ANKMY1: variants seen among roughly 807,000 people sequenced by gnomAD.
ANKMY1 encodes the protein ankyrin repeat and MYND domain containing 1.
ANKMY1 carries 98 observed loss-of-function variants against 102.0 expected under a neutral mutation model. The ratio of observed to expected loss-of-function variants is 0.96; its 90% CI spans 0.82 to 1.14. The LOEUF (loss-of-function observed/expected upper bound fraction) is 1.14. Among genes scored for constraint, ANKMY1 ranks in the 50% most tolerant of loss-of-function variants. ANKMY1 has a pLI of 0.00. For synonymous variants in ANKMY1, 582 were observed against 559.9 expected, an observed-to-expected ratio of 1.04 and a Z score of -0.56; for missense variants, 1,330 against 1,347.6, an observed-to-expected ratio of 0.99 and a Z score of 0.20.
chr2:240,472,641 C>G, the ANKMY1 span, among the ~76,000 whole-genome samples: 3 of 152,170 alleles, frequency 2.0e-5, no homozygotes, highest in African/African-American at 7.2e-5. Flanking sequence ...CCTGAATAGA[C>G]TCACCAACCA....
intron 4 of ANKMY1, among the ~76,000 whole-genome samples, chr2:240,540,018 G>T (rs972513583): frequency 6.6e-6 from 1 of 152,210 alleles, no homozygotes; most frequent in Non-Finnish European, 1.5e-5. Context: ...GTTATAAACA[G>T]GACCTAAAGC....
Position 240,528,888 on chromosome 2 carries a change from G to A in ANKMY1, c.953+149C>T, listed in dbSNP as rs181316383. The A allele has an allele frequency of 1.9e-3, 1,405 of 746,284 alleles. 25 individuals are homozygous for A. The Admixed American group carries it at 0.033, about 18-fold the overall frequency. The allele number at this position is 746,284 out of a possible 1,614,324, so 46.2% of individuals were successfully genotyped here. On this transcript the variant is annotated intron_variant, in intron 5 of 17. Transcript: ENST00000401804. ...AGGGGCTTTCCCTCCCTTCATTATCGCCCACATCAGTCACTTAATGGGAGG... is the reference window on the plus strand; with the variant it reads ...AGGGGCTTTCCCTCCCTTCATTATCACCCACATCAGTCACTTAATGGGAGG...
At chr2:240,526,028 C>A in intron 6 of ANKMY1, 179 bp from the exon 7 acceptor site, 1 of 984,848 alleles carries the variant, frequency 1.0e-6, no homozygotes, top group Non-Finnish European at 1.5e-6. Flanking sequence ...GCACTCTGCC[C>A]CAAACCCTTC....
At position 240,482,221 on chromosome 2, in the gene ANKMY1, G is replaced by A; in HGVS notation, c.2847C>T (p.Pro949=). ...TCACATCCAGGCCCCTGGGCAGGCT[G>A]GGGCCCTTCTTCTTCATCCTGTGGC... ...IPSHRMKKKG[P]SLPRGLDVKE... is the part of the protein sequence containing the mutation. The change falls in exon 16 of 18, where the codon CCC becomes CCT. Residue 949 remains proline, a synonymous_variant. Coordinates refer to ENST00000401804, the MANE Select transcript of ANKMY1 (RefSeq NM_001282771.3). 1.9e-6 allele frequency: 3 copies of A among 1,612,860 alleles called. No homozygotes were observed. The highest frequency in any genetic ancestry group is 2.5e-6 in the Non-Finnish European group (3 of 1,179,446).
intron 17 of ANKMY1, 83 bp from the exon 18 acceptor site, chr2:240,479,738 G>A (rs932348233): frequency 5.5e-6 from 7 of 1,272,038 alleles, no homozygotes; most frequent in Non-Finnish European, 7.9e-6. Context: ...AACTCGGGCT[G>A]TGTGGGGCGG....
chr2:240,499,630 C>T lies in ANKMY1; in HGVS notation c.2806+328G>A, dbSNP rs925492895. Among the ~76,000 whole-genome samples the T allele has an allele frequency of 2.6e-5, 4 of 151,998 alleles. No homozygotes were observed. The highest frequency in any genetic ancestry group is 2.6e-4 in the Admixed American group (4 of 15,270). On this transcript the variant is annotated intron_variant, in intron 15 of 17. Transcript: ENST00000401804. The surrounding 1 kb of genome is among the most constrained non-coding windows in gnomAD (Gnocchi z 4.2). ...ACCCCAGGCCTCGGGCCCACAGTCC[C>T]TGTGCCGGATAGACTGGCACTCCTG...
At chr2:240,519,148 T>C (rs1312483068) in intron 9 of ANKMY1, among the ~76,000 whole-genome samples, 2 of 152,256 alleles carry the variant, frequency 1.3e-5, no homozygotes, top group Admixed American at 6.5e-5. Flanking sequence ...GGGCCCCCTG[T>C]TCTGGGGGCA....
intron 5 of ANKMY1, among the ~76,000 whole-genome samples, chr2:240,528,296 C>CT (rs932925156): frequency 5.2e-5 from 7 of 133,468 alleles, no homozygotes; most frequent in African/African-American, 1.6e-4. Context: ...TGCCCCCACC[C>CT]CCCCCCCAAA....
intron 1 of ANKMY1, 90 bp downstream of exon 1, chr2:240,557,791 C>G (rs1173528885): frequency 1.2e-6 from 1 of 867,856 alleles, no homozygotes; most frequent in African/African-American, 1.8e-5. Flanking sequence ...GTGGGGACCG[C>G]GAGCCTGGCG....
chr2:240,491,091 C>CTTT (rs200434647), intron 15 of ANKMY1, among the ~76,000 whole-genome samples: 3 of 129,578 alleles, frequency 2.3e-5, no homozygotes, highest in Non-Finnish European at 5.0e-5. Context: ...ATGACTTTGT[C>CTTT]TTTTTTTTTT....
intron 11 of ANKMY1, among the ~76,000 whole-genome samples, chr2:240,509,727 A>C (rs376738562): frequency 1.1e-4 from 17 of 152,160 alleles, no homozygotes; most frequent in African/African-American, 4.1e-4. Context: ...TTGATGCATA[A>C]GTTGATTTAA....
chr2:240,536,730 T>C (rs1327100154), intron 4 of ANKMY1, among the ~76,000 whole-genome samples: 2 of 152,208 alleles, frequency 1.3e-5, no homozygotes, highest in African/African-American at 2.4e-5. Context: ...TCAAAAAATA[T>C]ACAAGAAGTC....
Position 240,482,205 on chromosome 2 carries a change from G to A in ANKMY1, c.2863C>T (p.Leu955=). 2 of 1,612,406 alleles carry A rather than the reference G, an allele frequency of 1.2e-6. No individual in the cohort carries two copies. Among genetic ancestry groups the A allele is most frequent in the Non-Finnish European group, 1.7e-6 (2 of 1,179,208 alleles). ...TACTGCCCCTGCTCCTTCACATCCA[G>A]GCCCCTGGGCAGGCTGGGGCCCTTC... ...KKKGPSLPRG[L]DVKEQGQIPF... Residue 955 remains leucine (L), a synonymous_variant, in exon 16 of 18, where the codon CTG becomes TTG. Transcript: ENST00000401804.
At position 240,526,437 on chromosome 2, in the gene ANKMY1, G is replaced by A. The variant is rs2083424161; in HGVS notation, c.962C>T (p.Pro321Leu). The change falls in exon 6 of 18, where the codon CCA (proline) becomes CTA (leucine). Residue 321 changes from proline to leucine, a missense_variant. Pro to Leu is a moderately conservative substitution (Grantham distance 98). Transcript: ENST00000401804. ...QKQTYKFRNK[P>L]AHTSWNMGAI... ...GCCCATGTTCCAGCTGGTGTGAGCT[G>A]GCTTGTTCCTGGCAACACAACAAGT... is the stretch of plus-strand genomic sequence containing the variant. 1 of 1,613,958 alleles carries A rather than the reference G, an allele frequency of 6.2e-7. No individual in the cohort carries two copies. The highest frequency in any genetic ancestry group is 1.7e-5 in the Admixed American group (1 of 59,988).
At position 240,509,390 on chromosome 2, in the gene ANKMY1, G is replaced by A. The variant is rs756036071; in HGVS notation, c.2352C>T (p.Gly784=). 213 of 1,613,652 alleles carry A rather than the reference G, an allele frequency of 1.3e-4. No individual in the cohort carries two copies. Among genetic ancestry groups the A allele is most frequent in the Non-Finnish European group, 1.7e-4 (202 of 1,179,862 alleles). ...HGANPNLLWS[G]HSPLSLSIAS... ...CAATGGACAGGGAGAGCGGGGAGTG[G>A]CCACTCCACAGCAGGTTAGGATTTG... The change falls in exon 12 of 18, where the codon GGC becomes GGT. Residue 784 remains glycine, a synonymous_variant. Coordinates refer to ENST00000401804, the MANE Select transcript of ANKMY1 (RefSeq NM_001282771.3).
chr2:240,546,380 C>T, intron 4 of ANKMY1, among the ~76,000 whole-genome samples: 1 of 152,164 alleles, frequency 6.6e-6, no homozygotes, highest in Non-Finnish European at 1.5e-5. Context: ...TGGAAAGGAA[C>T]AACTGATACC....
At chr2:240,505,632 G>A (rs556198336) in intron 13 of ANKMY1, among the ~76,000 whole-genome samples, 36 of 152,232 alleles carry the variant, frequency 2.4e-4, no homozygotes, top group Non-Finnish European at 3.4e-4. Flanking sequence ...CAGAGTTGGG[G>A]GCATGGTCAG....
intron 9 of ANKMY1, among the ~76,000 whole-genome samples, chr2:240,518,334 G>GC (rs2081549224): frequency 6.6e-6 from 1 of 151,914 alleles, no homozygotes; most frequent in African/African-American, 2.4e-5. Flanking sequence ...CACCCATCAT[G>GC]CCTGCCTCTG....
At chr2:240,537,012 A>G (rs1470502947) in intron 4 of ANKMY1, among the ~76,000 whole-genome samples, 1 of 152,194 alleles carries the variant, frequency 6.6e-6, no homozygotes, top group Non-Finnish European at 1.5e-5. Flanking sequence ...GTCGTGAGCC[A>G]CCGTACCCAT....
Sources: gnomAD v4.1 joint callset for allele counts (sites outside exome capture counted in the v4.1 genomes callset) on GRCh38, gnomAD v4.1.1 for gene constraint, Gnocchi (gnomAD v3.1) non-coding constraint, MANE v1.5 for transcripts, NCBI Gene and HGNC (gene_info 2026-07-23, HGNC 2026-07-21) for gene names.